RNF152: variants seen among roughly 807,000 people sequenced by gnomAD.
RNF152 encodes the protein E3 ubiquitin-protein ligase RNF152.
RNF152 carries 11 observed loss-of-function variants against 12.7 expected under a neutral mutation model. The ratio of observed to expected loss-of-function variants is 0.86; its 90% CI spans 0.54 to 1.43. RNF152 has a LOEUF of 1.43. Among genes scored for constraint, RNF152 ranks in the 40% most tolerant of loss-of-function variants. The probability of loss-of-function intolerance (pLI) is 0.00; values close to 1 mark genes in which losing one functional copy is unlikely to be tolerated. For missense variants in RNF152, 255 were observed against 274.8 expected, an observed-to-expected ratio of 0.93 and a Z score of 0.51; for synonymous variants, 113 against 120.3, an observed-to-expected ratio of 0.94 and a Z score of 0.40.
chr18:61,866,307 CG>C (rs901421109), intron 1 of RNF152, among the ~76,000 whole-genome samples: 16 of 152,156 alleles, frequency 1.1e-4, no homozygotes, highest in African/African-American at 3.9e-4. Context: ...GCCTTATACA[CG>C]GGGACTCGTT....
chr18:61,848,590 C>T (rs1910837319), intron 1 of RNF152, among the ~76,000 whole-genome samples: 1 of 152,160 alleles, frequency 6.6e-6, no homozygotes, highest in Non-Finnish European at 1.5e-5. Context: ...AGAGAGGCTT[C>T]GGAAGGAACT....
chr18:61,865,058 T>A (rs967501358), intron 1 of RNF152, among the ~76,000 whole-genome samples: 4 of 152,012 alleles, frequency 2.6e-5, no homozygotes, highest in African/African-American at 9.7e-5. Flanking sequence ...ACAAAAGATA[T>A]TCCTCTAACC....
rs1912887970 is a variant in RNF152 at position 61,809,914 on chromosome 18, A to G, written c.*5938T>C. The G allele has an allele frequency of 6.6e-6, 1 of 151,968 alleles. No homozygotes were observed. Among genetic ancestry groups the G allele is most frequent in the African/African-American group, 2.4e-5 (1 of 41,360 alleles). 9.4% of individuals were successfully genotyped at this position (151,968 alleles called of 1,614,324 possible). ...GACTGAGCAAGAAAATTTGTGCAGA[A>G]AAATGGGAACCAAATTGCAGGGATT... On this transcript the variant is annotated 3_prime_UTR_variant, in exon 2 of 2. Coordinates refer to ENST00000312828, the MANE Select transcript of RNF152 (RefSeq NM_173557.3).
At chr18:61,827,536 G>A (rs4550566) in intron 1 of RNF152, among the ~76,000 whole-genome samples, 19,306 of 152,126 alleles carry the variant, frequency 0.13, 1,222 homozygotes, top group Middle Eastern at 0.15. Context: ...AAATTACCCA[G>A]AGAACATTCT....
intron 1 of RNF152, among the ~76,000 whole-genome samples, chr18:61,872,988 T>C (rs948624142): frequency 3.3e-5 from 5 of 152,196 alleles, no homozygotes; most frequent in African/African-American, 7.2e-5. Context: ...AATAACTTAC[T>C]GCAAAATTTT....
intron 1 of RNF152, among the ~76,000 whole-genome samples, chr18:61,846,905 T>C (rs1174162912): frequency 6.6e-6 from 1 of 152,186 alleles, no homozygotes; most frequent in East Asian, 1.9e-4. Context: ...GAGTCCCAAC[T>C]CTTGTCACCA....
chr18:61,828,010 T>C (rs1017247281), intron 1 of RNF152, among the ~76,000 whole-genome samples: 2 of 152,264 alleles, frequency 1.3e-5, no homozygotes, highest in African/African-American at 4.8e-5. Context: ...AAATTTATTT[T>C]GTAGTCAACT....
At chr18:61,851,606 C>G (rs1015814345) in intron 1 of RNF152, among the ~76,000 whole-genome samples, 6 of 152,186 alleles carry the variant, frequency 3.9e-5, no homozygotes, top group African/African-American at 1.4e-4. Context: ...ATCCCCCACA[C>G]AGTAAGTTTC....
At chr18:61,886,859 T>A (rs1912724670) in intron 1 of RNF152, among the ~76,000 whole-genome samples, 1 of 152,196 alleles carries the variant, frequency 6.6e-6, no homozygotes, top group South Asian at 2.1e-4. Flanking sequence ...AATGAATGAA[T>A]GTTGAATGAA....
intron 1 of RNF152, among the ~76,000 whole-genome samples, chr18:61,878,015 C>CTTCA (rs1912290350): frequency 2.0e-5 from 3 of 152,196 alleles, no homozygotes; most frequent in South Asian, 4.1e-4. Context: ...TATCCTAGGA[C>CTTCA]TTCAGACTTC....
intron 1 of RNF152, among the ~76,000 whole-genome samples, chr18:61,821,989 C>T (rs915217196): frequency 1.3e-5 from 2 of 152,118 alleles, no homozygotes; most frequent in Non-Finnish European, 2.9e-5. Context: ...GCTTCAGAGA[C>T]CTGTTTGGCC....
intron 1 of RNF152, chr18:61,888,026 A>G (rs1410029936): frequency 6.6e-6 from 1 of 152,272 alleles, no homozygotes. Context: ...GCAGGTAACC[A>G]GGAAGTCTAT....
chr18:61,854,664 C>A (rs1035705474), intron 1 of RNF152, among the ~76,000 whole-genome samples: 4 of 152,148 alleles, frequency 2.6e-5, no homozygotes, highest in Admixed American at 2.6e-4. Context: ...TTTCAGTTTT[C>A]TACTATGATG....
chr18:61,886,883 G>T (rs1912725887), intron 1 of RNF152, among the ~76,000 whole-genome samples: 1 of 152,216 alleles, frequency 6.6e-6, no homozygotes, highest in African/African-American at 2.4e-5. Flanking sequence ...AGAGATGGAG[G>T]CAATTTTGCC....
intron 1 of RNF152, among the ~76,000 whole-genome samples, chr18:61,864,887 G>A (rs1337805195): frequency 1.3e-5 from 2 of 152,186 alleles, no homozygotes; most frequent in East Asian, 1.9e-4. Flanking sequence ...AGGCGTGGTG[G>A]CGCGTGCCTG....
At position 61,862,330 on chromosome 18, in the gene RNF152, G is replaced by A. The variant is rs147700225; in HGVS notation, c.-136+30465C>T. On this transcript the variant is annotated intron_variant, in intron 1 of 1. Transcript: ENST00000312828. ...AAATTCTCATTCCCATTTCACACAC[G>A]AGGAAACTAAGGCTCAGTTGGATCA... 4.6e-5 allele frequency among the ~76,000 whole-genome samples: 7 copies of A among 152,280 alleles called. No homozygotes were observed. The East Asian group carries it at 9.7e-4, about 21-fold the overall frequency.
rs542423864 is a variant in RNF152 at position 61,874,946 on chromosome 18, G to A, written c.-136+17849C>T. The A allele has an allele frequency of 2.0e-5, 3 of 152,306 alleles. No homozygotes were observed. In the South Asian group the frequency reaches 6.2e-4, roughly 32 times the overall value. The allele number at this position is 152,306 out of a possible 1,614,324, so 9.4% of individuals were successfully genotyped here. On this transcript the variant is annotated intron_variant, in intron 1 of 1. Transcript: ENST00000312828. Reference sequence around the variant, plus strand: ...AAAAAAAAATAAGTAAGATGCTTGAGATGCAAAGATGAACAAGCCCAGCCC... The same window carrying A: ...AAAAAAAAATAAGTAAGATGCTTGAAATGCAAAGATGAACAAGCCCAGCCC...
intron 1 of RNF152, among the ~76,000 whole-genome samples, chr18:61,829,072 G>C (rs74487003): frequency 3.9e-5 from 6 of 152,118 alleles, no homozygotes; most frequent in Admixed American, 6.5e-5. Flanking sequence ...GGGTGGTTAC[G>C]GGTAGGGACC....
intron 1 of RNF152, among the ~76,000 whole-genome samples, chr18:61,868,435 G>A (rs1319119445): frequency 6.6e-6 from 1 of 152,150 alleles, no homozygotes; most frequent in East Asian, 1.9e-4. Flanking sequence ...TAGGTCGGGT[G>A]CAGTGGCTCG....
Sources: allele counts gnomAD v4.1 joint callset (sites outside exome capture counted in the v4.1 genomes callset), GRCh38; gene constraint gnomAD v4.1.1; transcripts MANE v1.5; gene names NCBI Gene and HGNC (gene_info 2026-07-23, HGNC 2026-07-21).